Variants in GRAP observed in about 807,000 individuals in gnomAD.
GRAP encodes GRB2 related adaptor protein.
A neutral mutation model predicts 9.1 loss-of-function variants in GRAP; 2 were observed. That is an observed-to-expected ratio of 0.22 (90% CI 0.09 to 0.69). GRAP has a LOEUF of 0.69. Ranked by LOEUF, GRAP falls within the 30% of genes least tolerant of loss-of-function variation. The pLI, the probability that GRAP is intolerant of heterozygous loss-of-function variation, is 0.81. For missense variants in GRAP, 113 were observed against 179.4 expected, an observed-to-expected ratio of 0.63 and a Z score of 2.12; for synonymous variants, 68 against 73.6, an observed-to-expected ratio of 0.92 and a Z score of 0.39.
At chr17:19,027,484 G>GCACC (rs1555583247) in intron 3 of GRAP, among the ~76,000 whole-genome samples, 1 of 121,114 alleles carries the variant, frequency 8.3e-6, no homozygotes, top group African/African-American at 3.1e-5. Context: ...GCGCGCGCGC[G>GCACC]CACACACACA....
chr17:19,050,886 T>C (rs1347693933), upstream of GRAP, among the ~76,000 whole-genome samples: 1 of 152,216 alleles, frequency 6.6e-6, no homozygotes, highest in Non-Finnish European at 1.5e-5. Flanking sequence ...CTGTGTCTAC[T>C]TGAAATACAA....
At chr17:19,051,074 G>T, upstream of GRAP, among the ~76,000 whole-genome samples, 1 of 140,682 alleles carries the variant, frequency 7.1e-6, no homozygotes, top group Non-Finnish European at 1.6e-5. Flanking sequence ...AGAAAGAAAA[G>T]AAAATGAAGA....
intron 3 of GRAP, among the ~76,000 whole-genome samples, chr17:19,025,524 C>T (rs1472100399): frequency 7.2e-6 from 1 of 138,752 alleles, no homozygotes; most frequent in Non-Finnish European, 1.5e-5. Flanking sequence ...CCGTCTGTGC[C>T]CAGCCTTCCA....
intron 3 of GRAP, among the ~76,000 whole-genome samples, chr17:19,027,482 G>GCACACACA (rs1201282703): frequency 0.041 from 4,693 of 115,694 alleles, 160 homozygotes; most frequent in Non-Finnish European, 0.055. Flanking sequence ...GCGCGCGCGC[G>GCACACACA]CGCACACACA....
intron 3 of GRAP, among the ~76,000 whole-genome samples, chr17:19,027,484 G>GCGCACACACACACACACACACA (rs1555583245): frequency 8.3e-6 from 1 of 121,114 alleles, no homozygotes; most frequent in African/African-American, 3.1e-5. Context: ...GCGCGCGCGC[G>GCGCACACACACACACACACACA]CACACACACA....
chr17:19,021,785 G>T lies in GRAP; in HGVS notation c.*174C>A, dbSNP rs1194683993. 7.4e-6 allele frequency: 4 copies of T among 537,614 alleles called. No homozygotes were observed. Among genetic ancestry groups the T allele is most frequent in the South Asian group, 6.4e-5 (1 of 15,630 alleles). The allele number at this position is 537,614 out of a possible 1,614,324, so 33.3% of individuals were successfully genotyped here. A position where few individuals can be genotyped will look rare whatever the true frequency, so the allele number is the denominator to read the frequency against. ...CCCTTGCTGGGTACCCTTGCTGGGG[G>T]ACCTGGGCCATCCCAGTTTGTGCAG... is the stretch of plus-strand genomic sequence containing the variant. On this transcript the variant is annotated 3_prime_UTR_variant, in exon 5 of 5. Transcript: ENST00000284154. This position sits in a 1 kb window ranked among gnomAD's most constrained non-coding sequence, Gnocchi z 4.1.
intron 3 of GRAP, chr17:19,030,450 A>C (rs1477711069): frequency 3.4e-4 from 42 of 124,234 alleles, no homozygotes; most frequent in Middle Eastern, 2.5e-3. Flanking sequence ...CCATCTGTGA[A>C]AAGGAGGGGT....
Position 19,022,158 on chromosome 17 carries a change from AG to A in GRAP, c.469-15del. On this transcript the variant is annotated splice_polypyrimidine_tract_variant and intron_variant, in intron 4 of 4. Coordinates refer to ENST00000284154, the MANE Select transcript of GRAP (RefSeq NM_006613.4). ...GGCCCCAGGTGACTGCAAGAAGAGG[AG>A]GTGGTTAGTAGGGTGCCTTCAGAAG... 1 of 1,428,720 alleles carries A rather than the reference AG, an allele frequency of 7.0e-7. No individual in the cohort carries two copies. The highest frequency in any genetic ancestry group is 9.3e-7 in the Non-Finnish European group (1 of 1,077,460). The allele number at this position is 1,428,720 out of a possible 1,614,324, so 88.5% of individuals were successfully genotyped here.
rs1308892513 is a variant in GRAP at position 19,024,820 on chromosome 17, C to T, written c.300-437G>A. On this transcript the variant is annotated intron_variant, in intron 3 of 4. Transcript: ENST00000284154. This position sits in a 1 kb window ranked among gnomAD's most constrained non-coding sequence, Gnocchi z 4.2. ...CCCCTCAGCTTGGACCTACTCCCTGCTCCCCTGCTCCTCCCATGCCCCAGA... is the reference window on the plus strand; with the variant it reads ...CCCCTCAGCTTGGACCTACTCCCTGTTCCCCTGCTCCTCCCATGCCCCAGA... 1.3e-5 allele frequency among the ~76,000 whole-genome samples: 2 copies of T among 152,130 alleles called. No homozygotes were observed. Among genetic ancestry groups the T allele is most frequent in the African/African-American group, 4.8e-5 (2 of 41,412 alleles).
intron 3 of GRAP, among the ~76,000 whole-genome samples, chr17:19,025,652 A>C (rs1597926750): frequency 7.8e-6 from 1 of 128,622 alleles, no homozygotes. Flanking sequence ...TCGCTCTGTC[A>C]CCCAGGCTAG....
At position 19,021,789 on chromosome 17, in the gene GRAP, TG is replaced by T; in HGVS notation, c.*169del. 1.7e-6 allele frequency: 1 copy of T among 573,318 alleles called. No individual in the cohort carries two copies. Among genetic ancestry groups the T allele is most frequent in the Non-Finnish European group, 2.6e-6 (1 of 378,670 alleles). The allele number at this position is 573,318 out of a possible 1,614,324, so 35.5% of individuals were successfully genotyped here. On this transcript the variant is annotated 3_prime_UTR_variant, in exon 5 of 5. Coordinates refer to ENST00000284154, the MANE Select transcript of GRAP (RefSeq NM_006613.4). This position sits in a 1 kb window ranked among gnomAD's most constrained non-coding sequence, Gnocchi z 4.1. ...TGCTGGGTACCCTTGCTGGGGGACC[TG>T]GGCCATCCCAGTTTGTGCAGAGCGG...
chr17:19,021,913 C>G lies in GRAP; in HGVS notation c.*46G>C. ...GGGTGTCCATGTCCTCTCTGGACCT[C>G]AGTTCCTGTAAAAAGGCCCGTTGGC... On this transcript the variant is annotated 3_prime_UTR_variant, in exon 5 of 5. Coordinates refer to ENST00000284154, the MANE Select transcript of GRAP (RefSeq NM_006613.4). This position sits in a 1 kb window ranked among gnomAD's most constrained non-coding sequence, Gnocchi z 4.1. The G allele has an allele frequency of 6.9e-7, 1 of 1,451,882 alleles. No homozygotes were observed. Among genetic ancestry groups the G allele is most frequent in the Non-Finnish European group, 9.1e-7 (1 of 1,101,630 alleles). 89.9% of individuals were successfully genotyped at this position (1,451,882 alleles called of 1,614,324 possible).
At position 19,023,786 on chromosome 17, in the gene GRAP, C is replaced by T. The variant is rs1342303747; in HGVS notation, c.468+429G>A. ...TGGATGAGTCACTGCACTCTCTGAG[C>T]CTCGGTTTCCTCATCTGTATAATGG... On this transcript the variant is annotated intron_variant, in intron 4 of 4. Transcript: ENST00000284154. Among the ~76,000 whole-genome samples the T allele has an allele frequency of 3.9e-5, 6 of 151,952 alleles. No homozygotes were observed. The East Asian group carries it at 1.2e-3, about 29-fold the overall frequency.
At chr17:19,049,690 TC>T (rs544400218), upstream of GRAP, among the ~76,000 whole-genome samples, 1,924 of 81,232 alleles carry the variant, frequency 0.024, 1 homozygote, top group East Asian at 0.064. Context: ...ACATCTGCAA[TC>T]CCAGCACTTT....
Position 19,021,791 on chromosome 17 carries a change from G to A in GRAP, c.*168C>T, listed in dbSNP as rs113703856. On this transcript the variant is annotated 3_prime_UTR_variant, in exon 5 of 5. Coordinates refer to ENST00000284154, the MANE Select transcript of GRAP (RefSeq NM_006613.4). This position sits in a 1 kb window ranked among gnomAD's most constrained non-coding sequence, Gnocchi z 4.1. ...CTGGGTACCCTTGCTGGGGGACCTG[G>A]GCCATCCCAGTTTGTGCAGAGCGGC... 1.6e-4 allele frequency: 92 copies of A among 580,326 alleles called. 1 individual carries two copies. Among genetic ancestry groups the A allele is most frequent in the African/African-American group, 1.5e-3 (79 of 51,850 alleles). The allele number at this position is 580,326 out of a possible 1,614,324, so 35.9% of individuals were successfully genotyped here. A position where few individuals can be genotyped will look rare whatever the true frequency, so the allele number is the denominator to read the frequency against.
In GRAP at chr17:19,024,572, G is replaced by A; in HGVS notation, c.300-189C>T. On this transcript the variant is annotated intron_variant, in intron 3 of 4. Coordinates refer to ENST00000284154, the MANE Select transcript of GRAP (RefSeq NM_006613.4). The surrounding 1 kb of genome is among the most constrained non-coding windows in gnomAD (Gnocchi z 4.2). ...GGGGTCTGGGGAGTCCCATCTGGCAGTGGAATATGGGGTTAATTTAAGGGT... is the reference window on the plus strand; with the variant it reads ...GGGGTCTGGGGAGTCCCATCTGGCAATGGAATATGGGGTTAATTTAAGGGT... 1 of 500,616 alleles carries A rather than the reference G, an allele frequency of 2.0e-6. No individual in the cohort carries two copies. Among genetic ancestry groups the A allele is most frequent in the Non-Finnish European group, 2.6e-6 (1 of 386,750 alleles). The allele number at this position is 500,616 out of a possible 1,614,324, so 31.0% of individuals were successfully genotyped here.
chr17:19,021,996 A>G lies in GRAP; in HGVS notation c.617T>C (p.Phe206Ser). 1 of 1,587,414 alleles carries G rather than the reference A, an allele frequency of 6.3e-7. No individual in the cohort carries two copies. The highest frequency in any genetic ancestry group is 8.6e-7 in the Non-Finnish European group (1 of 1,168,142). ...WRGRSCGRVG[F>S]FPRSYVQPVH... ...GGGCTGCACGTAACTCCGTGGGAAG[A>G]AGCCAACGCGCCCGCAGGACCGGCC... is the stretch of plus-strand genomic sequence containing the variant. Residue 206 changes from phenylalanine (F) to serine (S), a missense_variant, in exon 5 of 5, where the codon TTC (phenylalanine) becomes TCC (serine). By Grantham distance (155) the Phe-to-Ser change is radical (BLOSUM62 -2). This residue lies in a region of GRAP where 113 missense variants were observed against 163.3 expected (regional missense o/e 0.69). Transcript: ENST00000284154. This position sits in a 1 kb window ranked among gnomAD's most constrained non-coding sequence, Gnocchi z 4.1.
Position 19,021,032 on chromosome 17 carries a change from A to G in GRAP, c.*927T>C, listed in dbSNP as rs9896426. 22 of 152,712 alleles carry G rather than the reference A, an allele frequency of 1.4e-4. No homozygotes were observed. Among genetic ancestry groups the G allele is most frequent in the African/African-American group, 4.6e-4 (19 of 41,358 alleles). The allele number at this position is 152,712 out of a possible 1,614,324, so 9.5% of individuals were successfully genotyped here. A position where few individuals can be genotyped will look rare whatever the true frequency, so the allele number is the denominator to read the frequency against. ...GCAGGCCCTGCTCATATCCCTGATC[A>G]TGGCACATTCTCTGGAGGACCCTCC... On this transcript the variant is annotated 3_prime_UTR_variant, in exon 5 of 5. Transcript: ENST00000284154. This position sits in a 1 kb window ranked among gnomAD's most constrained non-coding sequence, Gnocchi z 4.1.
upstream of GRAP, among the ~76,000 whole-genome samples, chr17:19,051,020 C>A: frequency 8.7e-6 from 1 of 115,296 alleles, no homozygotes; most frequent in Non-Finnish European, 1.8e-5. Flanking sequence ...GCCTGGGTGA[C>A]AGAGGGAGAC....
Sources: gnomAD v4.1 joint callset for allele counts (sites outside exome capture counted in the v4.1 genomes callset) on GRCh38, gnomAD v4.1.1 for gene constraint, gnomAD v4.1.1 regional missense constraint, Gnocchi (gnomAD v3.1) non-coding constraint, MANE v1.5 for transcripts, NCBI Gene and HGNC (gene_info 2026-07-23, HGNC 2026-07-21) for gene names.